The following FHIP2B variants were observed in gnomAD, a reference collection of about 807,000 sequenced individuals.
FHIP2B encodes FHF complex subunit HOOK-interacting protein 2B.
Under a neutral mutation model 84.0 loss-of-function variants are expected in FHIP2B, and 72 were observed. The observed-to-expected ratio is 0.86, with a 90% CI of 0.71 to 1.04. The LOEUF (loss-of-function observed/expected upper bound fraction) is 1.04, where lower values mean the gene tolerates loss of function less well. Among genes scored for constraint, FHIP2B ranks in the 50% least tolerant of loss-of-function variants. The probability of loss-of-function intolerance (pLI) is 0.00; values close to 1 mark genes in which losing one functional copy is unlikely to be tolerated. For missense variants in FHIP2B, 972 were observed against 968.9 expected (o/e 1.00, Z -0.04); for synonymous variants, 497 against 418.7 (o/e 1.19, Z -2.28).
chr8:22,101,648 G>A lies in FHIP2B; in HGVS notation c.1708-60G>A, dbSNP rs1826121413. 1.9e-6 allele frequency: 3 copies of A among 1,563,574 alleles called. No homozygotes were observed. In the Admixed American group the frequency reaches 5.5e-5, roughly 28 times the overall value. ...CCCCAGCCCATCCCTCCTGCGTGGGGCCCTGTCTGCTGGTTCCCAGTCCCC... is the reference window on the plus strand; with the variant it reads ...CCCCAGCCCATCCCTCCTGCGTGGGACCCTGTCTGCTGGTTCCCAGTCCCC... On this transcript the variant is annotated intron_variant, in intron 13 of 16. Coordinates refer to ENST00000289921, the MANE Select transcript of FHIP2B (RefSeq NM_022749.7).
chr8:22,093,530 T>C (rs1321069238), intron 1 of FHIP2B, among the ~76,000 whole-genome samples: 3 of 151,224 alleles, frequency 2.0e-5, no homozygotes, highest in Non-Finnish European at 4.4e-5. Context: ...GGCTGAGGAG[T>C]TGGGGTTGTG....
intron 12 of FHIP2B, 187 bp downstream of exon 12, chr8:22,101,159 A>T: frequency 1.4e-6 from 1 of 723,490 alleles, no homozygotes; most frequent in Non-Finnish European, 2.2e-6. Flanking sequence ...AGTACCTGGG[A>T]TTACAGACAT....
In FHIP2B at chr8:22,102,448, T is replaced by A. The variant is rs1450408364; in HGVS notation, c.1993-80T>A. The A allele has an allele frequency of 2.6e-6, 4 of 1,532,378 alleles. No individual in the cohort carries two copies. In the East Asian group the frequency reaches 9.8e-5, roughly 37 times the overall value. The allele number at this position is 1,532,378 out of a possible 1,614,324, so 94.9% of individuals were successfully genotyped here. The stretch of plus-strand genomic sequence containing the variant: ...GTGCCAGGGAAAGCACAGTCTCCCA[T>A]GCTCTGCATGGTGTGGCAGGGCCAG... On this transcript the variant is annotated intron_variant, in intron 15 of 16. Transcript: ENST00000289921.
chr8:22,099,381 G>A lies in FHIP2B; in HGVS notation c.1151+21G>A, dbSNP rs777947840. The A allele has an allele frequency of 2.2e-5, 36 of 1,611,644 alleles. No individual in the cohort carries two copies. The East Asian group carries it at 8.0e-4, about 36-fold the overall frequency. On this transcript the variant is annotated intron_variant, in intron 9 of 16. Coordinates refer to ENST00000289921, the MANE Select transcript of FHIP2B (RefSeq NM_022749.7). ...CACGTGTAAGTGTCTAGTTCCCTCAGGCATGACTGTGGTCTACAGTAAACC... is the reference window on the plus strand; with the variant it reads ...CACGTGTAAGTGTCTAGTTCCCTCAAGCATGACTGTGGTCTACAGTAAACC...
chr8:22,091,240 C>CTTTT (rs71204535), intron 1 of FHIP2B, among the ~76,000 whole-genome samples: 1 of 117,710 alleles, frequency 8.5e-6, no homozygotes, highest in African/African-American at 3.1e-5. Flanking sequence ...ATCATTACAG[C>CTTTT]TTTTTTTTTT....
At chr8:22,101,007 GTTTTATTTTA>G (rs748072733) in intron 12 of FHIP2B, 35 bp downstream of exon 12, 58 of 1,592,494 alleles carry the variant, frequency 3.6e-5, no homozygotes, top group East Asian at 6.9e-5. Flanking sequence ...AACCACTTGA[GTTTTATTTTA>G]TTTTATTTTA....
intron 5 of FHIP2B, 27 bp downstream of exon 5, chr8:22,097,866 G>T (rs142809271): frequency 5.6e-6 from 9 of 1,608,440 alleles, no homozygotes; most frequent in African/African-American, 2.7e-5. Flanking sequence ...GGAACAGGAG[G>T]GGGAGGGCCC....
rs1273314575 is a variant in FHIP2B, at chr8:22,103,795, A to G, written c.*864A>G. 1.3e-5 allele frequency: 2 copies of G among 152,494 alleles called. No individual in the cohort carries two copies. Among genetic ancestry groups the G allele is most frequent in the Non-Finnish European group, 2.9e-5 (2 of 68,086 alleles). The allele number at this position is 152,494 out of a possible 1,614,324, so 9.4% of individuals were successfully genotyped here. On this transcript the variant is annotated 3_prime_UTR_variant, in exon 17 of 17. Coordinates refer to ENST00000289921, the MANE Select transcript of FHIP2B (RefSeq NM_022749.7). ...GGGAGCCAGGGAGCTCAGGGGACAG[A>G]TAAGGGAAGGACGCCCCCTGACTCC...
intron 1 of FHIP2B, chr8:22,090,001 C>A: frequency 5.1e-6 from 2 of 394,392 alleles, no homozygotes; most frequent in Non-Finnish European, 9.0e-6. Context: ...TGGCCCTGTG[C>A]GGGGAGGAGA....
rs60525064 is a variant in FHIP2B, at chr8:22,104,831, T to TAAAAAAAAAAAAAAAAAAAAAAAAA, written c.*1918_*1919insAAAAAAAAAAAAAAAAAAAAAAAAA. The TAAAAAAAAAAAAAAAAAAAAAAAAA allele has an allele frequency of 2.4e-4, 30 of 126,480 alleles. No homozygotes were observed. Among genetic ancestry groups the TAAAAAAAAAAAAAAAAAAAAAAAAA allele is most frequent in the African/African-American group, 9.1e-4 (29 of 31,950 alleles). The allele number at this position is 126,480 out of a possible 1,614,324, so 7.8% of individuals were successfully genotyped here. A position where few individuals can be genotyped will look rare whatever the true frequency, so the allele number is the denominator to read the frequency against. On this transcript the variant is annotated 3_prime_UTR_variant, in exon 17 of 17. Transcript: ENST00000289921. Reference sequence around the variant, plus strand: ...CTGGGCAATAGAGTAAGACCCTGTCTAAAAAAAAAAAAAAAAAATTTCACA... The same window carrying TAAAAAAAAAAAAAAAAAAAAAAAAA: ...CTGGGCAATAGAGTAAGACCCTGTCTAAAAAAAAAAAAAAAAAAAAAAAAAAAAAAAAAAAAAAAAAAATTTCACA...
chr8:22,097,894 C>A, intron 5 of FHIP2B, 55 bp downstream of exon 5: 1 of 1,593,552 alleles, frequency 6.3e-7, no homozygotes, highest in Non-Finnish European at 8.6e-7. Flanking sequence ...CAGGGCAAGC[C>A]CCCTCTGCCC....
intron 12 of FHIP2B, 137 bp downstream of exon 12, chr8:22,101,109 G>T: frequency 8.3e-7 from 1 of 1,197,760 alleles, no homozygotes; most frequent in Non-Finnish European, 1.1e-6. Context: ...TCCACCTCCC[G>T]GGTTCCGGAT....
intron 1 of FHIP2B, among the ~76,000 whole-genome samples, chr8:22,091,240 C>CTTTTTT (rs71204535): frequency 1.4e-4 from 17 of 117,708 alleles, no homozygotes; most frequent in African/African-American, 5.2e-4. Context: ...ATCATTACAG[C>CTTTTTT]TTTTTTTTTT....
rs377572863 is a variant in FHIP2B at position 22,099,069 on chromosome 8, G to A, written c.1074+13G>A. On this transcript the variant is annotated intron_variant, in intron 8 of 16. Coordinates refer to ENST00000289921, the MANE Select transcript of FHIP2B (RefSeq NM_022749.7). ...AGAGGCACACACGGTGAGCAGGGGCGGGCGGAGGCCGGGCTCTCATGCTGT... is the reference window on the plus strand; with the variant it reads ...AGAGGCACACACGGTGAGCAGGGGCAGGCGGAGGCCGGGCTCTCATGCTGT... 48 of 1,577,840 alleles carry A rather than the reference G, an allele frequency of 3.0e-5. No homozygotes were observed. The African/African-American group carries it at 4.4e-4, about 15-fold the overall frequency.
At chr8:22,096,111 T>G in intron 2 of FHIP2B, 1 of 481,176 alleles carries the variant, frequency 2.1e-6, no homozygotes, top group African/African-American at 2.0e-5. Context: ...GGGCTGGGCA[T>G]GCATGCGTTC....
intron 5 of FHIP2B, 90 bp downstream of exon 5, chr8:22,097,929 C>A: frequency 5.1e-6 from 8 of 1,566,986 alleles, no homozygotes; most frequent in Non-Finnish European, 6.9e-6. Context: ...AAGCAGAGAT[C>A]AGGTACCCGG....
chr8:22,089,606 G>T (rs1054845385), intron 1 of FHIP2B, among the ~76,000 whole-genome samples: 7 of 151,912 alleles, frequency 4.6e-5, no homozygotes, highest in Non-Finnish European at 1.0e-4. Context: ...CCGCCGGGAC[G>T]CTCCCTGTCA....
rs1190911530 is a variant in FHIP2B at position 22,100,593 on chromosome 8, G to T, written c.1342-1G>T. 2 of 1,542,570 alleles carry T rather than the reference G, an allele frequency of 1.3e-6. No homozygotes were observed. The highest frequency in any genetic ancestry group is 1.7e-6 in the Non-Finnish European group (2 of 1,145,170). ...TCCTGCCGACCCCCTTCCTGCTCCA[G>T]ATCAGCATCACCACACTCCGGCTGT... is the stretch of plus-strand genomic sequence containing the variant. On this transcript the variant is annotated splice_acceptor_variant, in intron 10 of 16. Coordinates refer to ENST00000289921, the MANE Select transcript of FHIP2B (RefSeq NM_022749.7). LOFTEE classifies it high-confidence loss of function.
Position 22,090,549 on chromosome 8 carries a change from C to T in FHIP2B, c.45+1251C>T, listed in dbSNP as rs558680718. Among the ~76,000 whole-genome samples the T allele has an allele frequency of 3.2e-3, 481 of 152,344 alleles. 2 individuals are homozygous for T. Among genetic ancestry groups the T allele is most frequent in the Non-Finnish European group, 4.6e-3 (310 of 68,038 alleles). Reference sequence around the variant, plus strand: ...AAGTGATCTGATAAACCAATTCATACCTCTGGGGAACACTCCATTTACAGG... The same window carrying T: ...AAGTGATCTGATAAACCAATTCATATCTCTGGGGAACACTCCATTTACAGG... On this transcript the variant is annotated intron_variant, in intron 1 of 16. Coordinates refer to ENST00000289921, the MANE Select transcript of FHIP2B (RefSeq NM_022749.7).
Sources: allele counts gnomAD v4.1 joint callset (sites outside exome capture counted in the v4.1 genomes callset), GRCh38; gene constraint gnomAD v4.1.1; transcripts MANE v1.5; gene names NCBI Gene and HGNC (gene_info 2026-07-23, HGNC 2026-07-21).